Variants in SLC8A1 observed in about 807,000 individuals in gnomAD.
SLC8A1 encodes sodium/calcium exchanger 1.
Under a neutral mutation model 68.3 loss-of-function variants are expected in SLC8A1, and 18 were observed. The observed-to-expected ratio is 0.26, with a 90% CI of 0.18 to 0.39. SLC8A1 has a LOEUF of 0.39. Ranked by LOEUF, SLC8A1 falls within the 10% of genes least tolerant of loss-of-function variation. The probability of loss-of-function intolerance (pLI) is 1.00; values close to 1 mark genes in which losing one functional copy is unlikely to be tolerated. For missense variants in SLC8A1, 985 were observed against 1,156.7 expected (o/e 0.85, Z 2.15); for synonymous variants, 475 against 415.5 (o/e 1.14, Z -1.74).
intron 2 of SLC8A1, among the ~76,000 whole-genome samples, chr2:40,202,238 C>T (rs2054520033): frequency 6.6e-6 from 1 of 151,958 alleles, no homozygotes; most frequent in African/African-American, 2.4e-5. Context: ...ATGCTATCCT[C>T]TCCACCTCAA....
At chr2:40,318,064 C>T (rs192318360) in intron 2 of SLC8A1, among the ~76,000 whole-genome samples, 3 of 152,172 alleles carry the variant, frequency 2.0e-5, no homozygotes, top group Admixed American at 6.6e-5. Flanking sequence ...TATGGATTCA[C>T]GGCAACAAGT....
intron 1 of SLC8A1, among the ~76,000 whole-genome samples, chr2:40,476,263 A>C (rs949638322): frequency 6.6e-6 from 1 of 152,212 alleles, no homozygotes; most frequent in African/African-American, 2.4e-5. Flanking sequence ...CAAGGACTAA[A>C]GCAATGCTGT....
At chr2:40,102,791 A>G (rs1572672784) in exon 8 of SLC8A1, 1 of 152,264 alleles carries the variant, frequency 6.6e-6, no homozygotes, top group Middle Eastern at 3.4e-3. Context: ...TCAATTTAGT[A>G]TTTCCTAATC....
intron 2 of SLC8A1, among the ~76,000 whole-genome samples, chr2:40,321,177 C>G (rs1229004112): frequency 6.6e-6 from 1 of 152,110 alleles, no homozygotes; most frequent in Non-Finnish European, 1.5e-5. Flanking sequence ...CAAAGTCTTT[C>G]TGTCGTACAA....
chr2:40,275,749 C>T (rs1354769897), intron 2 of SLC8A1, among the ~76,000 whole-genome samples: 2 of 152,200 alleles, frequency 1.3e-5, no homozygotes, highest in Non-Finnish European at 1.5e-5. Flanking sequence ...GTGAAAGGTG[C>T]TTTGTAAACT....
At chr2:40,118,119 TCA>T (rs2035896766) in intron 7 of SLC8A1, among the ~76,000 whole-genome samples, 1 of 152,186 alleles carries the variant, frequency 6.6e-6, no homozygotes, top group African/African-American at 2.4e-5. Flanking sequence ...TTCACCCCTC[TCA>T]CAAGCATTAT....
chr2:40,248,269 A>G (rs1279533069), intron 2 of SLC8A1, among the ~76,000 whole-genome samples: 1 of 151,420 alleles, frequency 6.6e-6, no homozygotes, highest in Admixed American at 6.6e-5. Context: ...CTAATGGCTG[A>G]ATGTTTATGT....
intron 4 of SLC8A1, among the ~76,000 whole-genome samples, chr2:40,166,504 A>G (rs577697419): frequency 1.8e-3 from 279 of 152,362 alleles, no homozygotes; most frequent in Middle Eastern, 0.01. Context: ...TGGACTGGCC[A>G]GAAGCTGCTG....
At chr2:40,410,351 C>T (rs1173914930) in intron 2 of SLC8A1, among the ~76,000 whole-genome samples, 1 of 152,022 alleles carries the variant, frequency 6.6e-6, no homozygotes, top group East Asian at 1.9e-4. Flanking sequence ...CTAGGGATCA[C>T]ATTGAAAATA....
At chr2:40,437,539 T>A (rs1027660442) in intron 1 of SLC8A1, among the ~76,000 whole-genome samples, 8 of 152,020 alleles carry the variant, frequency 5.3e-5, no homozygotes, top group Non-Finnish European at 8.8e-5. Flanking sequence ...GAAGAAAGAA[T>A]CCCTAGCAGT....
intron 1 of SLC8A1, among the ~76,000 whole-genome samples, chr2:40,484,682 G>A (rs530310780): frequency 2.0e-5 from 3 of 152,338 alleles, no homozygotes; most frequent in South Asian, 4.1e-4. Flanking sequence ...AGCTGAGTTA[G>A]CAAGGAATAA....
At chr2:40,495,833 A>G (rs1307546894) in intron 1 of SLC8A1, among the ~76,000 whole-genome samples, 1 of 151,882 alleles carries the variant, frequency 6.6e-6, no homozygotes, top group African/African-American at 2.4e-5. Context: ...ACTGAAAGTG[A>G]CCCCCATTTA....
At chr2:40,295,098 A>AATT (rs1275020335) in intron 2 of SLC8A1, among the ~76,000 whole-genome samples, 63 of 151,230 alleles carry the variant, frequency 4.2e-4, no homozygotes, top group African/African-American at 1.5e-3. Flanking sequence ...TTTAAGAAAC[A>AATT]ATTATTATTT....
At chr2:40,467,366 T>A (rs1703742347) in intron 1 of SLC8A1, among the ~76,000 whole-genome samples, 1 of 152,128 alleles carries the variant, frequency 6.6e-6, no homozygotes, top group African/African-American at 2.4e-5. Context: ...ATTTGCCCCA[T>A]AAAGCACTAC....
rs1224427618 is a variant in SLC8A1, at chr2:40,237,927, G to T, written c.1809-60072C>A. Among the ~76,000 whole-genome samples the T allele has an allele frequency of 6.5e-5, 7 of 107,562 alleles. No homozygotes were observed. In the East Asian group the frequency reaches 8.7e-4, roughly 13 times the overall value. The allele number at this position is 107,562 out of a possible 152,430, so 70.6% of individuals were successfully genotyped here. A position where few individuals can be genotyped will look rare whatever the true frequency, so the allele number is the denominator to read the frequency against. On this transcript the variant is annotated intron_variant, in intron 2 of 7. Transcript: ENST00000406785. The stretch of plus-strand genomic sequence containing the variant: ...CCAGTTAGGCTGCTCGGGGGTCAGG[G>T]GTCAGGGACCCACTTGGGGAGGCAG...
intron 1 of SLC8A1, among the ~76,000 whole-genome samples, chr2:40,459,427 G>T (rs1004134202): frequency 2.0e-5 from 3 of 151,916 alleles, no homozygotes; most frequent in Non-Finnish European, 4.4e-5. Context: ...TTGTTTTTAG[G>T]AATTCCTGCC....
intron 2 of SLC8A1, among the ~76,000 whole-genome samples, chr2:40,328,244 G>A (rs528788436): frequency 6.6e-6 from 1 of 152,256 alleles, no homozygotes; most frequent in South Asian, 2.1e-4. Context: ...TAAATTTAAT[G>A]TATTATCCTG....
chr2:40,462,474 CT>C lies in SLC8A1; in HGVS notation c.-24-32171del, dbSNP rs577897155. Among the ~76,000 whole-genome samples the C allele has an allele frequency of 6.7e-4, 97 of 144,172 alleles. 1 individual carries two copies. In the East Asian group the frequency reaches 7.0e-3, roughly 10 times the overall value. The allele number at this position is 144,172 out of a possible 152,430, so 94.6% of individuals were successfully genotyped here. A position where few individuals can be genotyped will look rare whatever the true frequency, so the allele number is the denominator to read the frequency against. ...TTTCCTGACAAGTTGGGAATCTTTT[CT>C]TTTTTTTTTTTCTTTGAGAGGCAGT... On this transcript the variant is annotated intron_variant, in intron 1 of 7. Transcript: ENST00000402441.
chr2:40,411,205 T>A (rs866639061), intron 2 of SLC8A1, among the ~76,000 whole-genome samples: 12 of 152,082 alleles, frequency 7.9e-5, no homozygotes, highest in Middle Eastern at 6.3e-3. Context: ...CACTAATAGT[T>A]ACTATTCAAA....
Sources: allele counts gnomAD v4.1 joint callset (sites outside exome capture counted in the v4.1 genomes callset), GRCh38; gene constraint gnomAD v4.1.1; transcripts MANE v1.5; gene names NCBI Gene and HGNC (gene_info 2026-07-23, HGNC 2026-07-21).